The following SLITRK4 variants were observed in gnomAD, a reference collection of about 807,000 sequenced individuals.
SLITRK4 encodes the protein SLIT and NTRK like family member 4.
SLITRK4 carries 7 observed loss-of-function variants against 34.7 expected under a neutral mutation model. The ratio of observed to expected loss-of-function variants is 0.20; its 90% CI spans 0.11 to 0.38. SLITRK4 has a LOEUF of 0.38. SLITRK4 is among the 10% of genes least tolerant of loss of function. SLITRK4 has a pLI of 1.00. For synonymous variants in SLITRK4, 237 were observed against 246.2 expected (o/e 0.96, Z 0.35); for missense variants, 474 against 607.0 (o/e 0.78, Z 2.30).
intron 1 of SLITRK4, 59 bp downstream of exon 1, chrX:143,635,673 TCAA>T (rs1556431335): frequency 1.8e-5 from 2 of 109,492 alleles, no homozygotes; most frequent in Non-Finnish European, 3.8e-5. Context: ...GGGGAATGAG[TCAA>T]CAACAATGAC....
At position 143,627,397 on chromosome X, in the gene SLITRK4, C is replaced by T. The variant is rs1348011333; in HGVS notation, c.*1198G>A. 9.0e-6 allele frequency: 1 copy of T among 111,196 alleles called. No individual in the cohort carries two copies. The highest frequency in any genetic ancestry group is 3.3e-5 in the African/African-American group (1 of 30,637). 9.2% of individuals were successfully genotyped at this position (111,196 alleles called of 1,213,427 possible). On this transcript the variant is annotated 3_prime_UTR_variant, in exon 2 of 2. Transcript: ENST00000356928. ...AAACTAAGGAACTTATTTTTGAATG[C>T]ACAATTGGTAACAAATCTGAAGATA...
At position 143,630,516 on chromosome X, in the gene SLITRK4, A is replaced by G. The variant is rs1194249598; in HGVS notation, c.593T>C (p.Val198Ala). 5 of 1,209,563 alleles carry G rather than the reference A, an allele frequency of 4.1e-6. No homozygotes were observed. Among genetic ancestry groups the G allele is most frequent in the Non-Finnish European group, 5.6e-6 (5 of 895,166 alleles). The change falls in exon 2 of 2, where the codon GTT becomes GCT. Residue 198 changes from valine to alanine, a missense_variant. Val to Ala is a moderately conservative substitution (Grantham distance 64). Coordinates refer to ENST00000356928, the MANE Select transcript of SLITRK4 (RefSeq NM_001184749.3). ...NRIQKLPYIG[V>A]LEHIGRVVEL... ...AACGACACGGCCAATGTGTTCCAGA[A>G]CCCCGATATAAGGGAGCTTCTGGAT...
Position 143,630,948 on chromosome X carries a change from A to C in SLITRK4, c.161T>G (p.Leu54Arg), listed in dbSNP as rs781807191. 8.3e-7 allele frequency: 1 copy of C among 1,209,850 alleles called. No individual in the cohort carries two copies. ...EKVSVYRPNQ[L>R]KPPWSNFYHL... ...ATAAAAATTAGACCAAGGTGGTTTC[A>C]GCTGATTTGGTCTGTAGACTGAAAC... Residue 54 changes from leucine to arginine, a missense_variant, in exon 2 of 2, where the codon CTG becomes CGG. Transcript: ENST00000356928.
Position 143,624,069 on chromosome X carries a change from TTCTCTC to T in SLITRK4, c.*4520_*4525del, listed in dbSNP as rs201985213. 2 of 110,992 alleles carry T rather than the reference TTCTCTC, an allele frequency of 1.8e-5. No individual in the cohort carries two copies. The highest frequency in any genetic ancestry group is 3.8e-5 in the Non-Finnish European group (2 of 52,631). 9.1% of individuals were successfully genotyped at this position (110,992 alleles called of 1,213,427 possible). A position where few individuals can be genotyped will look rare whatever the true frequency, so the allele number is the denominator to read the frequency against. ...AAAGCAACAACAATCTTAATTTATA[TTCTCTC>T]TCTCTCTCTGTTTCTGTGTTTACTT... On this transcript the variant is annotated 3_prime_UTR_variant, in exon 2 of 2. Coordinates refer to ENST00000356928, the MANE Select transcript of SLITRK4 (RefSeq NM_001184749.3).
chrX:143,635,150 A>AC (rs1473900031), intron 1 of SLITRK4: 53 of 12,735 alleles, frequency 4.2e-3, no homozygotes, highest in Admixed American at 0.017. Context: ...CCCGCTCTCC[A>AC]CCACCCCCCC....
At chrX:143,634,094 G>C (rs1931145419) in intron 1 of SLITRK4, among the ~76,000 whole-genome samples, 1 of 112,526 alleles carries the variant, frequency 8.9e-6, no homozygotes, top group African/African-American at 3.2e-5. Flanking sequence ...AGATCAGGCC[G>C]CCTCGAAGAC....
rs782565258 is a variant in SLITRK4 at position 143,625,574 on chromosome X, TA to T, written c.*3020del. ...TTAGAAATGAGCACTTCTTGGATTT[TA>T]TAGGTTTGCATCCAAGTTCCACTAA... On this transcript the variant is annotated 3_prime_UTR_variant, in exon 2 of 2. Coordinates refer to ENST00000356928, the MANE Select transcript of SLITRK4 (RefSeq NM_001184749.3). The T allele has an allele frequency of 9.0e-6, 1 of 111,513 alleles. No individual in the cohort carries two copies. The highest frequency in any genetic ancestry group is 1.9e-5 in the Non-Finnish European group (1 of 52,854). The allele number at this position is 111,513 out of a possible 1,213,427, so 9.2% of individuals were successfully genotyped here.
intron 1 of SLITRK4, among the ~76,000 whole-genome samples, chrX:143,632,303 A>T (rs1452814640): frequency 9.0e-6 from 1 of 111,620 alleles, no homozygotes; most frequent in Non-Finnish European, 1.9e-5. Flanking sequence ...ACGCATAAAG[A>T]ATCACTTGTT....
intron 1 of SLITRK4, among the ~76,000 whole-genome samples, chrX:143,633,921 T>C (rs1019902440): frequency 8.9e-6 from 1 of 112,730 alleles, no homozygotes; most frequent in Non-Finnish European, 1.9e-5. Flanking sequence ...AGCCTGGCGG[T>C]CCGTGTAGCG....
intron 1 of SLITRK4, among the ~76,000 whole-genome samples, chrX:143,632,250 A>G (rs1931063757): frequency 9.0e-6 from 1 of 110,791 alleles, no homozygotes; most frequent in Admixed American, 9.6e-5. Context: ...CCAAACACCC[A>G]CCCGCCCTTC....
rs781950145 is a variant in SLITRK4, at chrX:143,624,184, G to A, written c.*4411C>T. The A allele has an allele frequency of 6.3e-5, 7 of 111,353 alleles. No homozygotes were observed. In the East Asian group the frequency reaches 1.7e-3, roughly 27 times the overall value. 9.2% of individuals were successfully genotyped at this position (111,353 alleles called of 1,213,427 possible). ...ATTCATTTCTGCCCTCAAGTTAACCGTAATGCAATTAGTTCATTTTCCACA... is the reference window on the plus strand; with the variant it reads ...ATTCATTTCTGCCCTCAAGTTAACCATAATGCAATTAGTTCATTTTCCACA... On this transcript the variant is annotated 3_prime_UTR_variant, in exon 2 of 2. Transcript: ENST00000356928.
Position 143,624,058 on chromosome X carries a change from C to G in SLITRK4, c.*4537G>C, listed in dbSNP as rs1569476908. On this transcript the variant is annotated 3_prime_UTR_variant, in exon 2 of 2. Transcript: ENST00000356928. ...TGTATACGTGTAAAGCAACAACAATCTTAATTTATATTCTCTCTCTCTCTC... is the reference window on the plus strand; with the variant it reads ...TGTATACGTGTAAAGCAACAACAATGTTAATTTATATTCTCTCTCTCTCTC... The G allele has an allele frequency of 1.8e-5, 2 of 111,947 alleles. No homozygotes were observed. Among genetic ancestry groups the G allele is most frequent in the Non-Finnish European group, 3.8e-5 (2 of 53,003 alleles). The allele number at this position is 111,947 out of a possible 1,213,427, so 9.2% of individuals were successfully genotyped here.
intron 1 of SLITRK4, among the ~76,000 whole-genome samples, chrX:143,633,975 G>T (rs979744831): frequency 1.3e-4 from 15 of 112,666 alleles, no homozygotes; most frequent in Admixed American, 2.8e-4. Context: ...CTTCAGTCCC[G>T]CCGCTCACAC....
intron 1 of SLITRK4, among the ~76,000 whole-genome samples, chrX:143,633,573 C>A (rs782763668): frequency 9.0e-6 from 1 of 110,888 alleles, no homozygotes; most frequent in Non-Finnish European, 1.9e-5. Flanking sequence ...CTAGCCCGAC[C>A]AAAAACAAAT....
rs782464040 is a variant in SLITRK4, at chrX:143,624,046, A to G, written c.*4549T>C. ...TCAGCATACCTATGTATACGTGTAA[A>G]GCAACAACAATCTTAATTTATATTC... On this transcript the variant is annotated 3_prime_UTR_variant, in exon 2 of 2. Transcript: ENST00000356928. 1 of 111,974 alleles carries G rather than the reference A, an allele frequency of 8.9e-6. No individual in the cohort carries two copies. Among genetic ancestry groups the G allele is most frequent in the Non-Finnish European group, 1.9e-5 (1 of 53,002 alleles). 9.2% of individuals were successfully genotyped at this position (111,974 alleles called of 1,213,427 possible).
At chrX:143,634,027 A>G (rs1392651527) in intron 1 of SLITRK4, among the ~76,000 whole-genome samples, 2 of 112,076 alleles carry the variant, frequency 1.8e-5, no homozygotes, top group Non-Finnish European at 3.8e-5. Flanking sequence ...CAGCTGCCGG[A>G]GTTTCAGTGG....
Position 143,629,780 on chromosome X carries a change from T to C in SLITRK4, c.1329A>G (p.Glu443=). The C allele has an allele frequency of 8.3e-7, 1 of 1,210,353 alleles. No homozygotes were observed. The highest frequency in any genetic ancestry group is 1.1e-6 in the Non-Finnish European group (1 of 894,256). ...GCAGGTTATGAAGACCTGAAAATATTTCAGGATAGAGTCTCTCAATTTGAT... is the reference window on the plus strand; with the variant it reads ...GCAGGTTATGAAGACCTGAAAATATCTCAGGATAGAGTCTCTCAATTTGAT... ...NGNQIERLYP[E]IFSGLHNLQY... Residue 443 remains glutamate, a synonymous_variant, in exon 2 of 2, where the codon GAA becomes GAG. Coordinates refer to ENST00000356928, the MANE Select transcript of SLITRK4 (RefSeq NM_001184749.3).
chrX:143,632,794 C>G (rs1278487406), intron 1 of SLITRK4, among the ~76,000 whole-genome samples: 1 of 111,537 alleles, frequency 9.0e-6, no homozygotes, highest in Non-Finnish European at 1.9e-5. Context: ...ATTGGCATTG[C>G]AAAAAGAAGT....
In SLITRK4 at chrX:143,631,123, C is replaced by T. The variant is rs376174364; in HGVS notation, c.-15G>A. ...CACAGAAACATCTTCTTGCAATCAG[C>T]AAACAACTGTATGCTTCTGAATAAA... On this transcript the variant is annotated 5_prime_UTR_variant, in exon 2 of 2. Transcript: ENST00000356928. 7 of 1,102,529 alleles carry T rather than the reference C, an allele frequency of 6.3e-6. No homozygotes were observed. Among genetic ancestry groups the T allele is most frequent in the East Asian group, 3.0e-5 (1 of 32,923 alleles). 90.9% of individuals were successfully genotyped at this position (1,102,529 alleles called of 1,213,427 possible). A position where few individuals can be genotyped will look rare whatever the true frequency, so the allele number is the denominator to read the frequency against.
Sources: allele counts gnomAD v4.1 joint callset (sites outside exome capture counted in the v4.1 genomes callset), GRCh38; gene constraint gnomAD v4.1.1; transcripts MANE v1.5; gene names NCBI Gene and HGNC (gene_info 2026-07-23, HGNC 2026-07-21).